Variants in NCOR2 observed in about 807,000 individuals in gnomAD.
NCOR2 encodes nuclear receptor corepressor 2, also known as CTG repeat protein 26.
In NCOR2, 81 loss-of-function variants were observed where a neutral mutation model predicts 262.9. The ratio of observed to expected loss-of-function variants is 0.31; its 90% CI spans 0.26 to 0.37. NCOR2 has a LOEUF of 0.37. Ranked by LOEUF, NCOR2 falls within the 10% of genes least tolerant of loss-of-function variation. The probability of loss-of-function intolerance (pLI) is 1.00; values close to 1 mark genes in which losing one functional copy is unlikely to be tolerated. For synonymous variants in NCOR2, 1,659 were observed against 1,559.3 expected (o/e 1.06, Z -1.51); for missense variants, 3,385 against 3,621.4 (o/e 0.93, Z 1.68).
chr12:124,351,383 G>A (rs939997985), intron 27 of NCOR2, among the ~76,000 whole-genome samples: 1 of 134,298 alleles, frequency 7.4e-6, no homozygotes, highest in Admixed American at 8.2e-5. Flanking sequence ...CTTCTTTGCT[G>A]TGGGGCTGTC....
At chr12:124,415,294 C>T (rs552422664) in intron 13 of NCOR2, among the ~76,000 whole-genome samples, 58 of 152,386 alleles carry the variant, frequency 3.8e-4, no homozygotes, top group Non-Finnish European at 7.5e-4. Flanking sequence ...TGTGCCCTCA[C>T]CTGGGGCAGA....
chr12:124,337,406 G>C, intron 37 of NCOR2: 1 of 703,362 alleles, frequency 1.4e-6, no homozygotes. Context: ...TGATTAAGCA[G>C]CTACTAGGTG....
chr12:124,333,736 A>C (rs1007879798), intron 41 of NCOR2, among the ~76,000 whole-genome samples: 8 of 150,164 alleles, frequency 5.3e-5, no homozygotes, highest in South Asian at 2.1e-4. Flanking sequence ...TTTGACCCCC[A>C]GAGGCCCCAC....
chr12:124,359,841 T>C (rs1006880429), intron 22 of NCOR2, among the ~76,000 whole-genome samples: 4 of 152,196 alleles, frequency 2.6e-5, no homozygotes, highest in Non-Finnish European at 2.9e-5. Flanking sequence ...AGGGGCAGAA[T>C]AGGCTGGCTT....
chr12:124,362,565 G>A (rs114811945), intron 21 of NCOR2, among the ~76,000 whole-genome samples: 3,088 of 150,950 alleles, frequency 0.02, 112 homozygotes, highest in African/African-American at 0.072. Context: ...GTGGTGAACA[G>A]GGGGAACCCA....
intron 13 of NCOR2, among the ~76,000 whole-genome samples, chr12:124,416,983 A>G (rs888860449): frequency 7.2e-5 from 11 of 152,210 alleles, no homozygotes; most frequent in Non-Finnish European, 1.6e-4. Flanking sequence ...TGCTCAATCA[A>G]TGGATGAGTC....
At chr12:124,433,925 G>A (rs2136381770) in intron 8 of NCOR2, among the ~76,000 whole-genome samples, 1 of 113,644 alleles carries the variant, frequency 8.8e-6, no homozygotes. Context: ...GGGAAAGACT[G>A]GAGCCGTCCC....
chr12:124,559,196 A>G (rs1461563190), intron 1 of NCOR2, among the ~76,000 whole-genome samples: 1 of 152,212 alleles, frequency 6.6e-6, no homozygotes, highest in Non-Finnish European at 1.5e-5. Flanking sequence ...GATGCAAAGA[A>G]AGGCCAGCAG....
At chr12:124,370,028 C>T (rs532784315) in intron 20 of NCOR2, among the ~76,000 whole-genome samples, 14 of 152,180 alleles carry the variant, frequency 9.2e-5, no homozygotes, top group Non-Finnish European at 2.1e-4. Context: ...GGTCCCCCGG[C>T]GAAGGCAGAA....
intron 13 of NCOR2, among the ~76,000 whole-genome samples, chr12:124,404,931 A>G (rs1310027514): frequency 6.6e-6 from 1 of 152,228 alleles, no homozygotes; most frequent in African/African-American, 2.4e-5. Context: ...GCAGAGGAGG[A>G]AACAGGCTCA....
chr12:124,403,240 G>T (rs2042079400), intron 13 of NCOR2, among the ~76,000 whole-genome samples: 1 of 152,202 alleles, frequency 6.6e-6, no homozygotes, highest in African/African-American at 2.4e-5. Flanking sequence ...CTGCGTGGAG[G>T]TGGCTGCTCT....
At chr12:124,452,858 C>A (rs988830642) in intron 6 of NCOR2, among the ~76,000 whole-genome samples, 1 of 152,204 alleles carries the variant, frequency 6.6e-6, no homozygotes, top group East Asian at 1.9e-4. Context: ...GTGAGGGGCC[C>A]ACAAGGCGAA....
chr12:124,366,058 T>C (rs992869331), intron 20 of NCOR2, among the ~76,000 whole-genome samples: 67 of 152,272 alleles, frequency 4.4e-4, no homozygotes, highest in African/African-American at 1.4e-3. Flanking sequence ...TGAGCCCTCA[T>C]TGCCCTAAAC....
chr12:124,421,831 C>T (rs571255439), intron 12 of NCOR2, among the ~76,000 whole-genome samples: 1 of 152,356 alleles, frequency 6.6e-6, no homozygotes, highest in South Asian at 2.1e-4. Flanking sequence ...CACAGTCCAA[C>T]CAGCCTTGTG....
chr12:124,388,635 T>C, intron 16 of NCOR2: 1 of 1,301,584 alleles, frequency 7.7e-7, no homozygotes, highest in Non-Finnish European at 1.0e-6. Flanking sequence ...TTGCGGTCCC[T>C]GTCCCTGCAC....
chr12:124,446,673 C>T (rs907226136), intron 7 of NCOR2, among the ~76,000 whole-genome samples: 9 of 152,154 alleles, frequency 5.9e-5, no homozygotes, highest in African/African-American at 2.2e-4. Context: ...CTCCCATTAC[C>T]CCACTTACCA....
In NCOR2 at chr12:124,400,660, C is replaced by T. The variant is rs757008502; in HGVS notation, c.1654G>A (p.Asp552Asn). The T allele has an allele frequency of 5.0e-6, 8 of 1,614,006 alleles. No homozygotes were observed. In the African/African-American group the frequency reaches 6.7e-5, roughly 13 times the overall value. The change falls in exon 15 of 47, where the codon GAC (aspartate) becomes AAC (asparagine). Residue 552 changes from aspartate to asparagine, a missense_variant. Physicochemically the swap from Asp to Asn is conservative, Grantham distance 23. Transcript: ENST00000405201. The stretch of plus-strand genomic sequence containing the variant: ...TCGTCGTTGTCCTCCCCTGAGGTGT[C>T]GTCTGTCTTCTCCCTACAGGCCAGA...
intron 6 of NCOR2, among the ~76,000 whole-genome samples, chr12:124,453,274 G>A (rs962591265): frequency 1.3e-5 from 2 of 152,174 alleles, no homozygotes; most frequent in East Asian, 1.9e-4. Context: ...GGCATGGCTG[G>A]CCCCTGTCCC....
chr12:124,410,212 T>C (rs1360379270), intron 13 of NCOR2, among the ~76,000 whole-genome samples: 1 of 147,648 alleles, frequency 6.8e-6, no homozygotes, highest in Non-Finnish European at 1.5e-5. Context: ...ACCGATCTGC[T>C]GCCTGGGGAG....
Sources: gnomAD v4.1 joint callset for allele counts (sites outside exome capture counted in the v4.1 genomes callset) on GRCh38, gnomAD v4.1.1 for gene constraint, MANE v1.5 for transcripts, NCBI Gene and HGNC (gene_info 2026-07-23, HGNC 2026-07-21) for gene names.